EPC2: variants seen among roughly 807,000 people sequenced by gnomAD.
The protein encoded by EPC2 is enhancer of polycomb 2, also known as enhancer of polycomb homolog 2.
EPC2 carries 14 observed loss-of-function variants against 92.1 expected under a neutral mutation model. That is an observed-to-expected ratio of 0.15 (90% confidence interval 0.10 to 0.24). The LOEUF (loss-of-function observed/expected upper bound fraction) is 0.24. Among genes scored for constraint, EPC2 ranks in the 10% least tolerant of loss-of-function variants. The pLI is 1.00. For missense variants in EPC2, 755 were observed against 971.5 expected (o/e 0.78, Z 2.96); for synonymous variants, 340 against 334.7 (o/e 1.02, Z -0.17).
At chr2:148,737,195 C>T (rs1253365898) in intron 2 of EPC2, among the ~76,000 whole-genome samples, 1 of 152,144 alleles carries the variant, frequency 6.6e-6, no homozygotes. Flanking sequence ...TGTACAGTCA[C>T]TTTACAGTAT....
intron 2 of EPC2, among the ~76,000 whole-genome samples, chr2:148,742,995 A>G (rs774361833): frequency 3.9e-5 from 6 of 152,082 alleles, no homozygotes; most frequent in African/African-American, 9.7e-5. Context: ...AAAAGTTTAT[A>G]TAGTCAAATC....
intron 2 of EPC2, among the ~76,000 whole-genome samples, chr2:148,727,880 C>CA (rs143585171): frequency 0.025 from 3,833 of 152,274 alleles, 56 homozygotes; most frequent in East Asian, 0.032. Flanking sequence ...AAAATAAACT[C>CA]ACTTCTGTAC....
chr2:148,785,954 C>A (rs557554462), intron 13 of EPC2, among the ~76,000 whole-genome samples: 2 of 151,620 alleles, frequency 1.3e-5, no homozygotes, highest in East Asian at 3.9e-4. Context: ...AATGATTATT[C>A]TTTTTGAGTG....
intron 3 of EPC2, among the ~76,000 whole-genome samples, chr2:148,745,651 T>C (rs1466888965): frequency 1.3e-5 from 2 of 152,076 alleles, no homozygotes; most frequent in Admixed American, 1.3e-4. Flanking sequence ...AGTGGAGGTT[T>C]TGTCATTGGA....
intron 11 of EPC2, 102 bp from the exon 12 acceptor site, chr2:148,783,495 C>G: frequency 9.1e-7 from 1 of 1,096,208 alleles, no homozygotes. Flanking sequence ...TGTAATTGTT[C>G]AAGGTTAGAA....
In EPC2 at chr2:148,733,479, AT is replaced by A. The variant is rs34219179; in HGVS notation, c.314-10107del. Among the ~76,000 whole-genome samples, 132 of 26,680 alleles carry A rather than the reference AT, an allele frequency of 4.9e-3. 6 individuals carry two copies. The highest frequency in any genetic ancestry group is 9.3e-3 in the South Asian group (5 of 540). The allele number at this position is 26,680 out of a possible 152,430, so 17.5% of individuals were successfully genotyped here. On this transcript the variant is annotated intron_variant, in intron 2 of 13. Coordinates refer to ENST00000258484, the MANE Select transcript of EPC2 (RefSeq NM_015630.4). Reference sequence around the variant, plus strand: ...CTTTCTCTTTTCTTTCTCTCTCTGGATTTTTTTTTTTTTTTTTTTTTTTTTT... The same window carrying A: ...CTTTCTCTTTTCTTTCTCTCTCTGGATTTTTTTTTTTTTTTTTTTTTTTTT...
intron 2 of EPC2, among the ~76,000 whole-genome samples, chr2:148,697,161 A>G (rs1317199762): frequency 6.6e-6 from 1 of 152,234 alleles, no homozygotes; most frequent in African/African-American, 2.4e-5. Context: ...ATTCTAATCC[A>G]GGCCATCTGG....
intron 1 of EPC2, among the ~76,000 whole-genome samples, chr2:148,647,780 G>A (rs1486840471): frequency 1.3e-5 from 2 of 151,838 alleles, no homozygotes; most frequent in African/African-American, 2.4e-5. Context: ...CTACAGGCAC[G>A]TGCCACTATG....
chr2:148,719,079 T>G (rs895307113), intron 2 of EPC2, among the ~76,000 whole-genome samples: 1 of 152,176 alleles, frequency 6.6e-6, no homozygotes, highest in African/African-American at 2.4e-5. Flanking sequence ...TTGTGTTTTT[T>G]TAACTCCATC....
At chr2:148,777,619 G>A (rs1394429761) in intron 10 of EPC2, among the ~76,000 whole-genome samples, 3 of 152,138 alleles carry the variant, frequency 2.0e-5, no homozygotes, top group Non-Finnish European at 2.9e-5. Flanking sequence ...TAATCATTAT[G>A]TTAGTGTAAA....
intron 2 of EPC2, among the ~76,000 whole-genome samples, chr2:148,722,064 T>C (rs1160585220): frequency 1.3e-5 from 2 of 152,192 alleles, no homozygotes; most frequent in Non-Finnish European, 1.5e-5. Flanking sequence ...AGCTGCTTAG[T>C]ATGTCTTATA....
chr2:148,786,435 G>C lies in EPC2; in HGVS notation c.*58G>C. 7.3e-7 allele frequency: 1 copy of C among 1,373,094 alleles called. No individual in the cohort carries two copies. Among genetic ancestry groups the C allele is most frequent in the Non-Finnish European group, 1.0e-6 (1 of 978,498 alleles). The allele number at this position is 1,373,094 out of a possible 1,614,324, so 85.1% of individuals were successfully genotyped here. ...GTGTGCAGTCATTCATATTCCAGCTGAATGCAAAAGGCAACACTCTGTGGA... is the reference window on the plus strand; with the variant it reads ...GTGTGCAGTCATTCATATTCCAGCTCAATGCAAAAGGCAACACTCTGTGGA... On this transcript the variant is annotated 3_prime_UTR_variant, in exon 14 of 14. Transcript: ENST00000258484.
Position 148,787,432 on chromosome 2 carries a change from T to A in EPC2, c.*1055T>A, listed in dbSNP as rs1042376658. 6 of 152,652 alleles carry A rather than the reference T, an allele frequency of 3.9e-5. No homozygotes were observed. The highest frequency in any genetic ancestry group is 8.8e-5 in the Non-Finnish European group (6 of 68,040). 9.5% of individuals were successfully genotyped at this position (152,652 alleles called of 1,614,324 possible). ...AGTGTAGTGTTTTAGTGACTTTTTT[T>A]ATACGGTTCTTGTAAATTAGATACG... On this transcript the variant is annotated 3_prime_UTR_variant, in exon 14 of 14. Coordinates refer to ENST00000258484, the MANE Select transcript of EPC2 (RefSeq NM_015630.4).
chr2:148,706,062 G>C (rs1681992463), intron 2 of EPC2, among the ~76,000 whole-genome samples: 1 of 152,110 alleles, frequency 6.6e-6, no homozygotes, highest in Non-Finnish European at 1.5e-5. Context: ...TCAAGCTAAA[G>C]GAAGATGTTT....
chr2:148,786,250 C>T (rs1468870237), intron 13 of EPC2, 55 bp from the exon 14 acceptor site: 61 of 1,341,806 alleles, frequency 4.5e-5, no homozygotes, highest in African/African-American at 5.8e-5. Flanking sequence ...TAAATGGTAA[C>T]GTCATGTTCT....
intron 1 of EPC2, among the ~76,000 whole-genome samples, chr2:148,674,159 G>A (rs1681209375): frequency 6.6e-6 from 1 of 152,180 alleles, no homozygotes; most frequent in Non-Finnish European, 1.5e-5. Context: ...TAGAGATTCT[G>A]GAGATGCATC....
At position 148,782,236 on chromosome 2, in the gene EPC2, C is replaced by T. The variant is rs896236521; in HGVS notation, c.1857+456C>T. On this transcript the variant is annotated intron_variant, in intron 11 of 13. Coordinates refer to ENST00000258484, the MANE Select transcript of EPC2 (RefSeq NM_015630.4). ...CCCCTTGCCATTGTGAATCACATTT[C>T]CCTGTTGAAGAAAATTGCAACCAGG... Among the ~76,000 whole-genome samples the T allele has an allele frequency of 2.6e-5, 4 of 152,098 alleles. 1 individual carries two copies. Among genetic ancestry groups the T allele is most frequent in the Admixed American group, 6.6e-5 (1 of 15,262 alleles).
intron 8 of EPC2, among the ~76,000 whole-genome samples, chr2:148,770,547 C>G (rs920169957): frequency 6.6e-6 from 1 of 151,742 alleles, no homozygotes; most frequent in African/African-American, 2.4e-5. Flanking sequence ...TATAATAGAC[C>G]CTAAATGAAT....
In EPC2 at chr2:148,689,369, G is replaced by A. The variant is rs1354301871; in HGVS notation, c.154-845G>A. Among the ~76,000 whole-genome samples the A allele has an allele frequency of 2.6e-5, 4 of 151,950 alleles. No individual in the cohort carries two copies. In the South Asian group the frequency reaches 6.2e-4, roughly 24 times the overall value. ...TTTTTTTTGTATTTTTAGTAGAGTCGGGGTTTCACTGTGTTAGCCAGGATG... is the reference window on the plus strand; with the variant it reads ...TTTTTTTTGTATTTTTAGTAGAGTCAGGGTTTCACTGTGTTAGCCAGGATG... On this transcript the variant is annotated intron_variant, in intron 1 of 13. Transcript: ENST00000258484.
Sources: gnomAD v4.1 joint callset for allele counts (sites outside exome capture counted in the v4.1 genomes callset) on GRCh38, gnomAD v4.1.1 for gene constraint, MANE v1.5 for transcripts, NCBI Gene and HGNC (gene_info 2026-07-23, HGNC 2026-07-21) for gene names.